Variants in DYRK4 observed in about 807,000 individuals in gnomAD.
DYRK4 encodes dual specificity tyrosine phosphorylation regulated kinase 4.
In DYRK4, 64 loss-of-function variants were observed where a neutral mutation model predicts 68.3. The observed-to-expected ratio is 0.94, with a 90% CI of 0.77 to 1.15. The LOEUF is 1.15. Among genes scored for constraint, DYRK4 ranks in the 50% most tolerant of loss-of-function variants. The pLI is 0.00. For missense variants in DYRK4, 740 were observed against 764.7 expected (o/e 0.97, Z 0.38); for synonymous variants, 274 against 289.9 (o/e 0.95, Z 0.56).
At chr12:4,573,472 C>G in intron 2 of DYRK4, 2 of 1,125,592 alleles carry the variant, frequency 1.8e-6, no homozygotes, top group Non-Finnish European at 1.2e-6. Context: ...GTGAAGTGAG[C>G]AGGAATTGGC....
intron 2 of DYRK4, among the ~76,000 whole-genome samples, chr12:4,579,317 A>C (rs1178803615): frequency 6.6e-6 from 1 of 152,142 alleles, no homozygotes; most frequent in East Asian, 1.9e-4. Flanking sequence ...TAAATAAATA[A>C]AAATAAAAAA....
chr12:4,610,243 C>T lies in DYRK4; in HGVS notation c.1449C>T (p.Thr483=), dbSNP rs1565544059. ...DSKDLTMVLK[T]YDTSFLDFLR... ...AGGACCTCACGATGGTGCTGAAAAC[C>T]TATGACACCAGCTTCCTGGACTTTC... The change falls in exon 13 of 15, where the codon ACC becomes ACT. Residue 483 remains threonine, a synonymous_variant. Transcript: ENST00000543431. The T allele has an allele frequency of 6.3e-7, 1 of 1,593,832 alleles. No individual in the cohort carries two copies. Among genetic ancestry groups the T allele is most frequent in the South Asian group, 1.1e-5 (1 of 87,068 alleles).
At chr12:4,567,223 T>C (rs1944685857) in intron 1 of DYRK4, 1 of 152,240 alleles carries the variant, frequency 6.6e-6, no homozygotes, top group African/African-American at 2.4e-5. Context: ...GTGGAGTGAT[T>C]TGCAGAAGCT....
In DYRK4 at chr12:4,599,098, ACTCT is replaced by A. The variant is rs565145822; in HGVS notation, c.981_984del (p.Ser328PhefsTer2). ...CAGTCTGTCCATAGTTCGGCGCTTC[ACTCT>A]CTCTGTTTTGAAGTGCTTGCAGATG... On this transcript the variant is annotated frameshift_variant, in exon 9 of 15. Coordinates refer to ENST00000543431, the MANE Select transcript of DYRK4 (RefSeq NM_001394779.1). LOFTEE classifies it high-confidence loss of function. The A allele has an allele frequency of 2.4e-4, 382 of 1,613,758 alleles. 5 individuals are homozygous for A. In the South Asian group the frequency reaches 3.9e-3, roughly 16 times the overall value.
chr12:4,612,678 GA>G lies in DYRK4; in HGVS notation c.1628del (p.Lys543ArgfsTer55). The G allele has an allele frequency of 1.2e-6, 2 of 1,614,132 alleles. No individual in the cohort carries two copies. Among genetic ancestry groups the G allele is most frequent in the Non-Finnish European group, 8.5e-7 (1 of 1,180,012 alleles). ...ATTCCTTTTTCCCCTCTGAGACAAG[GA>G]AGGACAAGGTTCAAGGCTGTCATCA... ...SNSFFPSETRKDKVQGCHHSS... is the reference protein window; with the variant it reads ...SNSFFPSETRXDKVQGCHHSS... On this transcript the variant is annotated frameshift_variant, in exon 14 of 15. Transcript: ENST00000543431. LOFTEE classifies it low-confidence loss of function (END_TRUNC).
chr12:4,586,477 C>A (rs1417186307), intron 2 of DYRK4, among the ~76,000 whole-genome samples: 1 of 152,164 alleles, frequency 6.6e-6, no homozygotes, highest in Non-Finnish European at 1.5e-5. Flanking sequence ...CGGGAGAGCA[C>A]ACCCGCTTCC....
intron 10 of DYRK4, among the ~76,000 whole-genome samples, chr12:4,604,488 G>C (rs749922720): frequency 1.1e-4 from 16 of 152,080 alleles, no homozygotes; most frequent in Admixed American, 2.6e-4. Flanking sequence ...ATTGAATACA[G>C]ACTTTGCATG....
At position 4,593,137 on chromosome 12, in the gene DYRK4, T is replaced by C. The variant is rs778888694; in HGVS notation, c.599T>C (p.Phe200Ser). 8.1e-6 allele frequency: 13 copies of C among 1,614,068 alleles called. No individual in the cohort carries two copies. Among genetic ancestry groups the C allele is most frequent in the Non-Finnish European group, 1.1e-5 (13 of 1,180,020 alleles). ...CCTGAGAAATTTAGCAAGACGAGTT[T>C]TGATGATGAGCATGGCTTCTATCTG... ...TAPEKFSKTS[F>S]DDEHGFYLKV... The change falls in exon 6 of 15, where the codon TTT becomes TCT. Residue 200 changes from phenylalanine to serine, a missense_variant. Phe to Ser is a radical substitution (Grantham distance 155). Transcript: ENST00000543431.
chr12:4,593,250 A>C (rs953251522), intron 6 of DYRK4, 85 bp downstream of exon 6: 1 of 1,490,124 alleles, frequency 6.7e-7, no homozygotes, highest in African/African-American at 1.4e-5. Flanking sequence ...GGTATTTTGT[A>C]GTATTTGGGG....
chr12:4,594,525 G>A (rs1343992842), intron 6 of DYRK4, among the ~76,000 whole-genome samples: 1 of 152,020 alleles, frequency 6.6e-6, no homozygotes, highest in African/African-American at 2.4e-5. Context: ...CGCCTGGCTG[G>A]GAATCTCCAG....
chr12:4,597,665 C>T (rs1459652596), intron 8 of DYRK4, among the ~76,000 whole-genome samples: 1 of 152,170 alleles, frequency 6.6e-6, no homozygotes, highest in Non-Finnish European at 1.5e-5. Flanking sequence ...GAGTCCAAAG[C>T]CCAGAGAGAT....
intron 2 of DYRK4, among the ~76,000 whole-genome samples, chr12:4,586,888 A>T (rs1944903360): frequency 6.6e-6 from 1 of 152,218 alleles, no homozygotes; most frequent in South Asian, 2.1e-4. Flanking sequence ...CTTTACACAT[A>T]TTAACTCCCT....
intron 5 of DYRK4, among the ~76,000 whole-genome samples, chr12:4,592,068 A>G (rs888279167): frequency 1.3e-5 from 2 of 152,184 alleles, no homozygotes; most frequent in Non-Finnish European, 2.9e-5. Flanking sequence ...GACACTTTAC[A>G]GCTCTTCTAC....
chr12:4,575,299 C>CTGTGTGTGTG (rs35874260), intron 2 of DYRK4, among the ~76,000 whole-genome samples: 234 of 148,966 alleles, frequency 1.6e-3, no homozygotes, highest in African/African-American at 5.5e-3. Flanking sequence ...CAATAACTTA[C>CTGTGTGTGTG]TGTGTGTGTG....
Position 4,596,524 on chromosome 12 carries a change from C to T in DYRK4, c.765-65C>T, listed in dbSNP as rs549665520. On this transcript the variant is annotated intron_variant, in intron 7 of 14. Coordinates refer to ENST00000543431, the MANE Select transcript of DYRK4 (RefSeq NM_001394779.1). The stretch of plus-strand genomic sequence containing the variant: ...CATGGGGAGGGGCTGACTGCTGCAG[C>T]GGGACCTGACACTGATGTTTCTATC... The T allele has an allele frequency of 1.1e-4, 170 of 1,571,226 alleles. 1 individual carries two copies. The African/African-American group carries it at 1.8e-3, about 17-fold the overall frequency.
At chr12:4,565,517 G>T (rs546270061) in intron 1 of DYRK4, among the ~76,000 whole-genome samples, 1 of 152,200 alleles carries the variant, frequency 6.6e-6, no homozygotes, top group Non-Finnish European at 1.5e-5. Context: ...TTGTGACGAG[G>T]CTCCATGATT....
intron 11 of DYRK4, among the ~76,000 whole-genome samples, chr12:4,605,341 A>G (rs1235974539): frequency 6.6e-6 from 1 of 152,258 alleles, no homozygotes; most frequent in African/African-American, 2.4e-5. Flanking sequence ...ACATTTTAAA[A>G]TAAAATTACA....
intron 10 of DYRK4, among the ~76,000 whole-genome samples, chr12:4,600,380 T>C (rs1310576671): frequency 6.6e-6 from 1 of 151,948 alleles, no homozygotes; most frequent in Admixed American, 6.6e-5. Context: ...CAGGAACAAT[T>C]AGTGAACATT....
At chr12:4,583,170 T>C (rs571995581) in intron 2 of DYRK4, among the ~76,000 whole-genome samples, 1 of 152,052 alleles carries the variant, frequency 6.6e-6, no homozygotes, top group Non-Finnish European at 1.5e-5. Flanking sequence ...GAGGCTAGAG[T>C]GCAGTGGCAC....
Sources: allele counts gnomAD v4.1 joint callset (sites outside exome capture counted in the v4.1 genomes callset), GRCh38; gene constraint gnomAD v4.1.1; transcripts MANE v1.5; gene names NCBI Gene and HGNC (gene_info 2026-07-23, HGNC 2026-07-21).